Variants in CSMD1 observed in about 807,000 individuals in gnomAD.
CSMD1 encodes CUB and sushi domain-containing protein 1.
Under a neutral mutation model 417.5 loss-of-function variants are expected in CSMD1, and 213 were observed. The ratio of observed to expected loss-of-function variants is 0.51; its 90% CI spans 0.46 to 0.57. CSMD1 has a LOEUF of 0.57. Among genes scored for constraint, CSMD1 ranks in the 20% least tolerant of loss-of-function variants. The probability of loss-of-function intolerance (pLI) is 0.00; values close to 1 mark genes in which losing one functional copy is unlikely to be tolerated. For missense variants in CSMD1, 6,923 were observed against 4,529.7 expected, an observed-to-expected ratio of 1.53 and a Z score of -15.17; for synonymous variants, 2,862 against 1,736.8, an observed-to-expected ratio of 1.65 and a Z score of -16.11.
At chr8:4,745,945 G>A (rs1182481825) in intron 1 of CSMD1, among the ~76,000 whole-genome samples, 1 of 152,092 alleles carries the variant, frequency 6.6e-6, no homozygotes, top group East Asian at 1.9e-4. Flanking sequence ...TTCCCCATTT[G>A]GTATCTCATC....
At chr8:3,384,938 T>C (rs1364621535) in intron 18 of CSMD1, among the ~76,000 whole-genome samples, 1 of 107,612 alleles carries the variant, frequency 9.3e-6, no homozygotes, top group Non-Finnish European at 1.7e-5. Context: ...ATATAATATA[T>C]AATATATGCA....
At chr8:3,543,547 G>T (rs1798532142) in intron 10 of CSMD1, among the ~76,000 whole-genome samples, 1 of 151,962 alleles carries the variant, frequency 6.6e-6, no homozygotes, top group African/African-American at 2.4e-5. Context: ...GATGGAAAAT[G>T]AACAGAGTGT....
chr8:4,631,293 C>T (rs1356922751), intron 2 of CSMD1, among the ~76,000 whole-genome samples: 1 of 151,980 alleles, frequency 6.6e-6, no homozygotes, highest in Non-Finnish European at 1.5e-5. Flanking sequence ...ACCTGGGAGG[C>T]AGAGGTTGCA....
rs892266248 is a variant in CSMD1 at position 4,013,979 on chromosome 8, G to A, written c.611-15869C>T. Among the ~76,000 whole-genome samples, 6 of 152,278 alleles carry A rather than the reference G, an allele frequency of 3.9e-5. No individual in the cohort carries two copies. The Middle Eastern group carries it at 0.014, about 345-fold the overall frequency. ...AATACTTTGCAGGTCCTCAATAAAC[G>A]TTCCTTGGAAGAAAGAATTAACACA... On this transcript the variant is annotated intron_variant, in intron 4 of 69. Transcript: ENST00000635120.
chr8:4,480,187 CA>C (rs763375040), intron 2 of CSMD1, among the ~76,000 whole-genome samples: 1,824 of 103,730 alleles, frequency 0.018, 12 homozygotes, highest in Middle Eastern at 0.052. Flanking sequence ...TGTTATCTCA[CA>C]AAAAAAAAAA....
At chr8:3,904,663 G>C (rs1219107698) in intron 5 of CSMD1, among the ~76,000 whole-genome samples, 12 of 127,074 alleles carry the variant, frequency 9.4e-5, no homozygotes, top group Non-Finnish European at 1.7e-4. Context: ...TTGAGATGAA[G>C]TCTTACTCTG....
At chr8:4,621,128 A>C (rs1801756863) in intron 2 of CSMD1, among the ~76,000 whole-genome samples, 1 of 152,084 alleles carries the variant, frequency 6.6e-6, no homozygotes, top group Non-Finnish European at 1.5e-5. Context: ...GACCAGACGT[A>C]TTTCAGATTT....
At chr8:4,762,695 C>T (rs1262047816) in intron 1 of CSMD1, among the ~76,000 whole-genome samples, 1 of 152,086 alleles carries the variant, frequency 6.6e-6, no homozygotes, top group African/African-American at 2.4e-5. Flanking sequence ...ATTATTCAGG[C>T]CCAGATGCAT....
intron 5 of CSMD1, among the ~76,000 whole-genome samples, chr8:3,847,305 G>C (rs562531016): frequency 1.3e-5 from 2 of 152,228 alleles, no homozygotes; most frequent in East Asian, 3.9e-4. Context: ...TGATTTGGGA[G>C]AACCTGACCT....
At chr8:4,192,861 T>C (rs184945792) in intron 3 of CSMD1, among the ~76,000 whole-genome samples, 9 of 152,304 alleles carry the variant, frequency 5.9e-5, no homozygotes, top group Admixed American at 3.9e-4. Flanking sequence ...TGTTCCTGTA[T>C]TCTGTCCTTC....
At chr8:4,941,917 A>C (rs1472412165) in intron 1 of CSMD1, among the ~76,000 whole-genome samples, 1 of 152,160 alleles carries the variant, frequency 6.6e-6, no homozygotes, top group Non-Finnish European at 1.5e-5. Flanking sequence ...CAATTTGATG[A>C]TGCTAAATTT....
intron 3 of CSMD1, among the ~76,000 whole-genome samples, chr8:4,059,556 A>T (rs1475210242): frequency 1.3e-5 from 2 of 152,024 alleles, no homozygotes; most frequent in African/African-American, 4.8e-5. Flanking sequence ...CAAGACTAAT[A>T]AAGAAAAAAA....
chr8:4,565,894 T>C (rs1223775965), intron 2 of CSMD1, among the ~76,000 whole-genome samples: 1 of 150,812 alleles, frequency 6.6e-6, no homozygotes, highest in African/African-American at 2.4e-5. Flanking sequence ...TATTAAATTT[T>C]CCTCATAGAA....
intron 26 of CSMD1, among the ~76,000 whole-genome samples, chr8:3,272,306 C>A (rs1477493474): frequency 2.8e-5 from 4 of 145,032 alleles, no homozygotes; most frequent in African/African-American, 5.1e-5. Flanking sequence ...GTTTTGGTAC[C>A]AGTACCATGC....
chr8:3,300,383 A>C (rs1188981971), intron 25 of CSMD1, among the ~76,000 whole-genome samples: 1 of 151,702 alleles, frequency 6.6e-6, no homozygotes, highest in Non-Finnish European at 1.5e-5. Context: ...GCAGCACTTT[A>C]TTATTTTAAA....
At chr8:4,628,034 G>A (rs944198217) in intron 2 of CSMD1, among the ~76,000 whole-genome samples, 2 of 151,452 alleles carry the variant, frequency 1.3e-5, no homozygotes, top group Non-Finnish European at 2.9e-5. Context: ...TGTTCCCTGG[G>A]ACAAAAAAAT....
chr8:4,960,178 C>G (rs1165652794), intron 1 of CSMD1, among the ~76,000 whole-genome samples: 2 of 152,122 alleles, frequency 1.3e-5, no homozygotes, highest in African/African-American at 4.8e-5. Flanking sequence ...TTCAATATTT[C>G]TAAAGATCAC....
At chr8:3,170,823 T>C (rs1485570852) in intron 37 of CSMD1, among the ~76,000 whole-genome samples, 1 of 152,218 alleles carries the variant, frequency 6.6e-6, no homozygotes, top group Non-Finnish European at 1.5e-5. Context: ...CCCTGATTTC[T>C]TTAAAGCATT....
At chr8:3,338,007 T>A (rs1807385367) in intron 23 of CSMD1, among the ~76,000 whole-genome samples, 1 of 152,186 alleles carries the variant, frequency 6.6e-6, no homozygotes, top group South Asian at 2.1e-4. Context: ...GCTTCCTACT[T>A]TGGCAGATGC....
Sources: gnomAD v4.1 joint callset for allele counts (sites outside exome capture counted in the v4.1 genomes callset) on GRCh38, gnomAD v4.1.1 for gene constraint, MANE v1.5 for transcripts, NCBI Gene and HGNC (gene_info 2026-07-23, HGNC 2026-07-21) for gene names.